Variants in THG1L observed in about 807,000 individuals in gnomAD.
THG1L encodes the protein tRNA-histidine guanylyltransferase 1 like.
A neutral mutation model predicts 35.2 loss-of-function variants in THG1L; 27 were observed. The ratio of observed to expected loss-of-function variants is 0.77; its 90% CI spans 0.57 to 1.06. THG1L has a LOEUF of 1.06. THG1L is among the 50% of genes least tolerant of loss of function. THG1L has a pLI of 0.00. For synonymous variants in THG1L, 135 were observed against 132.4 expected (o/e 1.02, Z -0.14); for missense variants, 377 against 371.8 (o/e 1.01, Z -0.12).
In THG1L at chr5:157,741,276, A is replaced by C. The variant is rs1761035013; in HGVS notation, c.*1794A>C. 6.6e-6 allele frequency: 1 copy of C among 152,174 alleles called. No homozygotes were observed. The highest frequency in any genetic ancestry group is 2.1e-4 in the South Asian group (1 of 4,834). The allele number at this position is 152,174 out of a possible 1,614,324, so 9.4% of individuals were successfully genotyped here. ...ACTGCAGAATTTACATCTAAGAAGAAAATGTATTTTTGAAAGGGTGATGGC... is the reference window on the plus strand; with the variant it reads ...ACTGCAGAATTTACATCTAAGAAGACAATGTATTTTTGAAAGGGTGATGGC... On this transcript the variant is annotated 3_prime_UTR_variant, in exon 6 of 6. Coordinates refer to ENST00000231198, the MANE Select transcript of THG1L (RefSeq NM_017872.5).
At chr5:157,738,621 G>T (rs910330816) in intron 5 of THG1L, 7 of 425,588 alleles carry the variant, frequency 1.6e-5, no homozygotes, top group Non-Finnish European at 2.3e-5. Flanking sequence ...ATGTTTTCAA[G>T]TACCAAGGAG....
intron 4 of THG1L, 82 bp downstream of exon 4, chr5:157,736,016 A>G: frequency 1.1e-6 from 1 of 925,364 alleles, no homozygotes. Flanking sequence ...TGTTAAATTT[A>G]CATTTCTTTC....
chr5:157,739,251 C>A (rs562946230), intron 5 of THG1L, 70 bp from the exon 6 acceptor site: 2 of 1,511,192 alleles, frequency 1.3e-6, no homozygotes, highest in African/African-American at 1.4e-5. Flanking sequence ...TGAGCTATCC[C>A]CACATCTTTC....
At chr5:157,735,748 T>C in intron 3 of THG1L, 98 bp from the exon 4 acceptor site, 1 of 779,876 alleles carries the variant, frequency 1.3e-6, no homozygotes, top group Non-Finnish European at 2.0e-6. Context: ...CTCTTTACTA[T>C]GAAAGAGGAG....
intron 1 of THG1L, 83 bp from the exon 2 acceptor site, chr5:157,732,785 A>G: frequency 2.6e-6 from 4 of 1,532,734 alleles, no homozygotes; most frequent in Non-Finnish European, 3.6e-6. Flanking sequence ...TCTTCCTCCA[A>G]ACAGCCTCTG....
intron 2 of THG1L, among the ~76,000 whole-genome samples, chr5:157,734,201 A>C (rs1285995534): frequency 1.3e-5 from 2 of 152,054 alleles, no homozygotes; most frequent in Non-Finnish European, 2.9e-5. Flanking sequence ...TAGCCTGGCC[A>C]ACATGGTGAA....
At chr5:157,731,730 C>G (rs1390959879) in intron 1 of THG1L, 99 bp downstream of exon 1, 10 of 1,442,492 alleles carry the variant, frequency 6.9e-6, no homozygotes, top group Admixed American at 6.3e-5. Context: ...GTCACGGTTA[C>G]CAGGGTAACG....
In THG1L at chr5:157,732,983, CAG is replaced by C. The variant is rs1760769527; in HGVS notation, c.310_311del (p.Ser104Ter). On this transcript the variant is annotated frameshift_variant, in exon 2 of 6. Transcript: ENST00000231198. LOFTEE classifies it high-confidence loss of function. ...ELEDIVIAYGQSDEYSFVFKR... is the reference protein window; with the variant it reads ...ELEDIVIAYGXSDEYSFVFKR... ...AGAGGATATTGTGATCGCGTATGGACAGAGTGATGAGTACAGCTTTGTGTTCA... is the reference window on the plus strand; with the variant it reads ...AGAGGATATTGTGATCGCGTATGGACAGTGATGAGTACAGCTTTGTGTTCA... 1.9e-6 allele frequency: 3 copies of C among 1,614,176 alleles called. No individual in the cohort carries two copies. Among genetic ancestry groups the C allele is most frequent in the East Asian group, 2.2e-5 (1 of 44,876 alleles).
At chr5:157,738,539 T>TAGGC (rs1760943277) in intron 5 of THG1L, 3 of 404,178 alleles carry the variant, frequency 7.4e-6, no homozygotes, top group African/African-American at 4.3e-5. Flanking sequence ...TACCAGCTGT[T>TAGGC]AGGCATAATG....
Position 157,739,361 on chromosome 5 carries a change from A to C in THG1L, c.776A>C (p.Glu259Ala). 1.2e-6 allele frequency: 2 copies of C among 1,613,792 alleles called. No homozygotes were observed. The highest frequency in any genetic ancestry group is 1.7e-6 in the Non-Finnish European group (2 of 1,179,850). Reference protein sequence around the residue: ...VMTKEIKLPTEMEGKKMAVTR... With the variant: ...VMTKEIKLPTAMEGKKMAVTR... ...ACAAAAGAAATTAAGCTGCCAACAGAAATGGAAGGAAAAAAGATGGCAGTG... is the reference window on the plus strand; with the variant it reads ...ACAAAAGAAATTAAGCTGCCAACAGCAATGGAAGGAAAAAAGATGGCAGTG... Residue 259 changes from glutamate to alanine, a missense_variant, in exon 6 of 6, where the codon GAA becomes GCA. Coordinates refer to ENST00000231198, the MANE Select transcript of THG1L (RefSeq NM_017872.5).
chr5:157,735,858 A>G lies in THG1L; in HGVS notation c.551A>G (p.Asn184Ser), dbSNP rs771517620. 4.4e-6 allele frequency: 7 copies of G among 1,600,776 alleles called. No homozygotes were observed. Among genetic ancestry groups the G allele is most frequent in the Non-Finnish European group, 6.0e-6 (7 of 1,174,366 alleles). Reference sequence around the variant, plus strand: ...GTTCTCCTCACAGGTCACATCAATAATCTTTATAATACAGTTTTCTGGGCA... The same window carrying G: ...GTTCTCCTCACAGGTCACATCAATAGTCTTTATAATACAGTTTTCTGGGCA... ...SWRQADCHIN[N>S]LYNTVFWALI... The change falls in exon 4 of 6, where the codon AAT (asparagine) becomes AGT (serine). Residue 184 changes from asparagine (N) to serine (S), a missense_variant. By Grantham distance (46) the Asn-to-Ser change is conservative. Transcript: ENST00000231198.
At position 157,731,624 on chromosome 5, in the gene THG1L, T is replaced by C. The variant is rs1185629223; in HGVS notation, c.184T>C (p.Phe62Leu). The C allele has an allele frequency of 1.3e-5, 21 of 1,595,934 alleles. No individual in the cohort carries two copies. Among genetic ancestry groups the C allele is most frequent in the Non-Finnish European group, 1.7e-5 (20 of 1,169,192 alleles). Reference sequence around the variant, plus strand: ...GGTAGTGCGGCTGGACGGCCGGAATTTCCATCGGTGAGCGAGCTCGACTCG... The same window carrying C: ...GGTAGTGCGGCTGGACGGCCGGAATCTCCATCGGTGAGCGAGCTCGACTCG... ...WVVVRLDGRN[F>L]HRFAEKHNFA... The change falls in exon 1 of 6, where the codon TTC (phenylalanine) becomes CTC (leucine). Residue 62 changes from phenylalanine to leucine, a missense_variant. Phe to Leu is a conservative substitution (Grantham distance 22). Transcript: ENST00000231198.
chr5:157,731,444 T>C lies in THG1L; in HGVS notation c.4T>C (p.Trp2Arg), dbSNP rs1760710750. Residue 2 changes from tryptophan (W) to arginine (R), a missense_variant, in exon 1 of 6, where the codon TGG (tryptophan) becomes CGG (arginine). Coordinates refer to ENST00000231198, the MANE Select transcript of THG1L (RefSeq NM_017872.5). The stretch of plus-strand genomic sequence containing the variant: ...CCCTTTCCTTTCCGCGTGTAGAATG[T>C]GGGGCGCCTGTAAAGTTAAGGTTCA... M[W>R]GACKVKVHDS... The C allele has an allele frequency of 4.4e-6, 7 of 1,590,384 alleles. No individual in the cohort carries two copies. The South Asian group carries it at 8.1e-5, about 18-fold the overall frequency.
chr5:157,734,888 TAGTTA>T (rs1449303208), intron 3 of THG1L, 143 bp downstream of exon 3: 3 of 926,962 alleles, frequency 3.2e-6, no homozygotes, highest in Non-Finnish European at 4.5e-6. Flanking sequence ...TTTTTTCAAT[TAGTTA>T]AAAGTATTTG....
chr5:157,737,398 G>A (rs1029304072), intron 4 of THG1L, among the ~76,000 whole-genome samples: 5 of 151,888 alleles, frequency 3.3e-5, no homozygotes, highest in East Asian at 3.9e-4. Context: ...CATGAGAATC[G>A]CTTGAACCTG....
rs1158215162 is a variant in THG1L, at chr5:157,731,498, C to T, written c.58C>T (p.Leu20=). The T allele has an allele frequency of 2.5e-6, 4 of 1,613,018 alleles. No individual in the cohort carries two copies. The highest frequency in any genetic ancestry group is 3.4e-6 in the Non-Finnish European group (4 of 1,179,474). ...TTCCTTGGCCACCATTTCCATCACTCTGAGACGGTACCTGAGATTGGGGGC... is the reference window on the plus strand; with the variant it reads ...TTCCTTGGCCACCATTTCCATCACTTTGAGACGGTACCTGAGATTGGGGGC... ...HDSLATISIT[L]RRYLRLGATM... Residue 20 remains leucine (L), a synonymous_variant, in exon 1 of 6, where the codon CTG becomes TTG. Coordinates refer to ENST00000231198, the MANE Select transcript of THG1L (RefSeq NM_017872.5).
chr5:157,739,125 G>A (rs1217503342), intron 5 of THG1L, among the ~76,000 whole-genome samples, 196 bp from the exon 6 acceptor site: 1 of 151,884 alleles, frequency 6.6e-6, no homozygotes, highest in Non-Finnish European at 1.5e-5. Flanking sequence ...CATGCATACT[G>A]AGATTTTATA....
chr5:157,739,323 G>A lies in THG1L; in HGVS notation c.738G>A (p.Val246=), dbSNP rs1345383898. The change falls in exon 6 of 6, where the codon GTG becomes GTA. Residue 246 remains valine, a splice_region_variant and synonymous_variant. Transcript: ENST00000231198. ...CACTACTTTATTTTTACCTGTAGGTGGATGAAGTGATGACAAAAGAAATTA... is the reference window on the plus strand; with the variant it reads ...CACTACTTTATTTTTACCTGTAGGTAGATGAAGTGATGACAAAAGAAATTA... ...RKGTVLIWQK[V]DEVMTKEIKL... 1 of 1,612,770 alleles carries A rather than the reference G, an allele frequency of 6.2e-7. No homozygotes were observed. Among genetic ancestry groups the A allele is most frequent in the Non-Finnish European group, 8.5e-7 (1 of 1,179,402 alleles).
At chr5:157,736,251 CTT>C (rs71577334) in intron 4 of THG1L, among the ~76,000 whole-genome samples, 19 of 141,368 alleles carry the variant, frequency 1.3e-4, no homozygotes, top group Admixed American at 2.1e-4. Context: ...TCAGCACTGA[CTT>C]TTTTTTTTTT....
Sources: allele counts gnomAD v4.1 joint callset (sites outside exome capture counted in the v4.1 genomes callset), GRCh38; gene constraint gnomAD v4.1.1; transcripts MANE v1.5; gene names NCBI Gene and HGNC (gene_info 2026-07-23, HGNC 2026-07-21).